FTMT: variants seen among roughly 807,000 people sequenced by gnomAD.
FTMT encodes the protein ferritin mitochondrial, also known as ferritin, mitochondrial.
Under a neutral mutation model 4.9 loss-of-function variants are expected in FTMT, and 5 were observed. The observed-to-expected ratio is 1.03, with a 90% CI of 0.54 to 2.16. FTMT has a LOEUF of 2.16. Ranked by LOEUF, FTMT falls within the 30% of genes most tolerant of loss-of-function variation. The pLI, the probability that FTMT is intolerant of heterozygous loss-of-function variation, is 0.01. For missense variants in FTMT, 393 were observed against 323.0 expected (o/e 1.22, Z -1.66); for synonymous variants, 174 against 143.6 (o/e 1.21, Z -1.51).
chr5:121,852,536 T>C lies in FTMT; in HGVS notation c.573T>C (p.Asp191=), dbSNP rs1460034809. ...ASDKGDPHLC[D]FLETYYLNEQ... ...ATAAAGGTGACCCCCATTTGTGCGA[T>C]TTCCTGGAAACCTACTACCTGAATG... The change falls in exon 1 of 1, where the codon GAT becomes GAC. Residue 191 remains aspartate (D), a synonymous_variant. Transcript: ENST00000321339. 4 of 1,614,098 alleles carry C rather than the reference T, an allele frequency of 2.5e-6. No individual in the cohort carries two copies. Among genetic ancestry groups the C allele is most frequent in the Non-Finnish European group, 3.4e-6 (4 of 1,180,016 alleles).
chr5:121,852,579 A>C lies in FTMT; in HGVS notation c.616A>C (p.Lys206Gln). The C allele has an allele frequency of 1.2e-6, 2 of 1,614,164 alleles. No homozygotes were observed. The highest frequency in any genetic ancestry group is 1.7e-6 in the Non-Finnish European group (2 of 1,180,040). Residue 206 changes from lysine to glutamine, a missense_variant, in exon 1 of 1, where the codon AAA becomes CAA. Transcript: ENST00000321339. ...CCTGAATGAGCAGGTGAAGTCTATC[A>C]AAGAACTAGGTGACCACGTGCACAA... ...YYLNEQVKSIKELGDHVHNLV... is the reference protein window; with the variant it reads ...YYLNEQVKSIQELGDHVHNLV...
Position 121,852,403 on chromosome 5 carries a change from A to T in FTMT, c.440A>T (p.Lys147Met). ...CGGATCCGCCTGCAGGACATCAAGA[A>T]GCCGGAACAGGACGACTGGGAAAGC... ...GGRIRLQDIK[K>M]PEQDDWESGL... Residue 147 changes from lysine (K) to methionine (M), a missense_variant, in exon 1 of 1, where the codon AAG (lysine) becomes ATG (methionine). Coordinates refer to ENST00000321339, the MANE Select transcript of FTMT (RefSeq NM_177478.2). 6.2e-7 allele frequency: 1 copy of T among 1,614,170 alleles called. No homozygotes were observed.
rs201753986 is a variant in FTMT at position 121,852,396 on chromosome 5, A to G, written c.433A>G (p.Ile145Val). The change falls in exon 1 of 1, where the codon ATC becomes GTC. Residue 145 changes from isoleucine to valine, a missense_variant. Coordinates refer to ENST00000321339, the MANE Select transcript of FTMT (RefSeq NM_177478.2). ...QRGGRIRLQDIKKPEQDDWES... is the reference protein window; with the variant it reads ...QRGGRIRLQDVKKPEQDDWES... ...AGGAGGCCGGATCCGCCTGCAGGAC[A>G]TCAAGAAGCCGGAACAGGACGACTG... 1.2e-5 allele frequency: 20 copies of G among 1,614,054 alleles called. No individual in the cohort carries two copies. Among genetic ancestry groups the G allele is most frequent in the Non-Finnish European group, 1.5e-5 (18 of 1,180,026 alleles).
Position 121,852,788 on chromosome 5 carries a change from T to A in FTMT, c.*96T>A. The A allele has an allele frequency of 7.4e-7, 1 of 1,352,290 alleles. No homozygotes were observed. Among genetic ancestry groups the A allele is most frequent in the Non-Finnish European group, 1.0e-6 (1 of 984,898 alleles). The allele number at this position is 1,352,290 out of a possible 1,614,324, so 83.8% of individuals were successfully genotyped here. A position where few individuals can be genotyped will look rare whatever the true frequency, so the allele number is the denominator to read the frequency against. On this transcript the variant is annotated 3_prime_UTR_variant, in exon 1 of 1. Transcript: ENST00000321339. Reference sequence around the variant, plus strand: ...CTTAAAATCACCTCCATCTTTATATTCTTCTGTTATACTATTCCTCCAATA... The same window carrying A: ...CTTAAAATCACCTCCATCTTTATATACTTCTGTTATACTATTCCTCCAATA...
Position 121,851,978 on chromosome 5 carries a change from C to G in FTMT, c.15C>G (p.Phe5Leu). 6.3e-7 allele frequency: 1 copy of G among 1,590,062 alleles called. No homozygotes were observed. Among genetic ancestry groups the G allele is most frequent in the Non-Finnish European group, 8.5e-7 (1 of 1,174,550 alleles). Residue 5 changes from phenylalanine (F) to leucine (L), a missense_variant, in exon 1 of 1, where the codon TTC becomes TTG. Transcript: ENST00000321339. ...GAGGCGGCGCTATGCTGTCCTGCTTCAGGCTCCTCTCCAGGCACATCAGCC... is the reference window on the plus strand; with the variant it reads ...GAGGCGGCGCTATGCTGTCCTGCTTGAGGCTCCTCTCCAGGCACATCAGCC... Reference protein sequence around the residue: MLSCFRLLSRHISPS... With the variant: MLSCLRLLSRHISPS...
chr5:121,852,022 G>A lies in FTMT; in HGVS notation c.59G>A (p.Arg20His), dbSNP rs754484196. The A allele has an allele frequency of 8.2e-6, 13 of 1,593,616 alleles. No individual in the cohort carries two copies. In the South Asian group the frequency reaches 1.3e-4, roughly 16 times the overall value. Reference protein sequence around the residue: ...RHISPSLASLRPVRCCFALPL... With the variant: ...RHISPSLASLHPVRCCFALPL... ...ATCAGCCCTTCGCTGGCGTCTCTGCGCCCGGTGCGCTGCTGCTTCGCGCTC... is the reference window on the plus strand; with the variant it reads ...ATCAGCCCTTCGCTGGCGTCTCTGCACCCGGTGCGCTGCTGCTTCGCGCTC... Residue 20 changes from arginine (R) to histidine (H), a missense_variant, in exon 1 of 1, where the codon CGC (arginine) becomes CAC (histidine). Coordinates refer to ENST00000321339, the MANE Select transcript of FTMT (RefSeq NM_177478.2).
In FTMT at chr5:121,852,122, C is replaced by G. The variant is rs1477158770; in HGVS notation, c.159C>G (p.Ala53=). Residue 53 remains alanine (A), a synonymous_variant, in exon 1 of 1, where the codon GCC becomes GCG. Coordinates refer to ENST00000321339, the MANE Select transcript of FTMT (RefSeq NM_177478.2). ...IAPRRPLAAA[A]SSRDPTGPAA... is the part of the protein sequence containing the mutation. ...CCCGCCGCCCCCTGGCCGCAGCCGC[C>G]TCCTCCCGGGACCCTACCGGGCCCG... 6.3e-7 allele frequency: 1 copy of G among 1,587,730 alleles called. No homozygotes were observed. Among genetic ancestry groups the G allele is most frequent in the Non-Finnish European group, 8.5e-7 (1 of 1,170,804 alleles).
Position 121,852,390 on chromosome 5 carries a change from CAGGA to C in FTMT, c.428_431del (p.Gln143ProfsTer27). ...CCAGCGAGGAGGCCGGATCCGCCTG[CAGGA>C]CATCAAGAAGCCGGAACAGGACGAC... On this transcript the variant is annotated frameshift_variant, in exon 1 of 1. Transcript: ENST00000321339. LOFTEE classifies it high-confidence loss of function. The C allele has an allele frequency of 1.2e-6, 2 of 1,614,184 alleles. No individual in the cohort carries two copies. The highest frequency in any genetic ancestry group is 1.7e-6 in the Non-Finnish European group (2 of 1,180,040).
At position 121,852,432 on chromosome 5, in the gene FTMT, C is replaced by A; in HGVS notation, c.469C>A (p.Leu157Met). 6.2e-7 allele frequency: 1 copy of A among 1,614,110 alleles called. No homozygotes were observed. Among genetic ancestry groups the A allele is most frequent in the South Asian group, 1.1e-5 (1 of 91,078 alleles). The change falls in exon 1 of 1, where the codon CTG becomes ATG. Residue 157 changes from leucine to methionine, a missense_variant. Transcript: ENST00000321339. The stretch of plus-strand genomic sequence containing the variant: ...GGAACAGGACGACTGGGAAAGCGGG[C>A]TGCATGCCATGGAGTGTGCTCTACT... ...KPEQDDWESG[L>M]HAMECALLLE... is the part of the protein sequence containing the mutation.
At position 121,852,815 on chromosome 5, in the gene FTMT, A is replaced by G; in HGVS notation, c.*123A>G. 1.1e-5 allele frequency: 13 copies of G among 1,192,088 alleles called. No individual in the cohort carries two copies. The highest frequency in any genetic ancestry group is 1.3e-5 in the Non-Finnish European group (11 of 852,796). The allele number at this position is 1,192,088 out of a possible 1,614,324, so 73.8% of individuals were successfully genotyped here. A position where few individuals can be genotyped will look rare whatever the true frequency, so the allele number is the denominator to read the frequency against. On this transcript the variant is annotated 3_prime_UTR_variant, in exon 1 of 1. Coordinates refer to ENST00000321339, the MANE Select transcript of FTMT (RefSeq NM_177478.2). ...TTCTGTTATACTATTCCTCCAATAA[A>G]GTGATTTGTAGAAAAAAATGTTTTG...
rs1315811757 is a variant in FTMT, at chr5:121,852,074, C to T, written c.111C>T (p.Pro37=). 1 of 1,590,192 alleles carries T rather than the reference C, an allele frequency of 6.3e-7. No individual in the cohort carries two copies. The highest frequency in any genetic ancestry group is 1.7e-5 in the Admixed American group (1 of 58,256). The change falls in exon 1 of 1, where the codon CCC becomes CCT. Residue 37 remains proline (P), a synonymous_variant. Coordinates refer to ENST00000321339, the MANE Select transcript of FTMT (RefSeq NM_177478.2). ...CGCTGCGTTGGGCCCCGGGGCGCCC[C>T]TTGGACCCCAGGCAGATCGCCCCCC... ...ALPLRWAPGR[P]LDPRQIAPRR...
rs779758575 is a variant in FTMT, at chr5:121,852,287, G to C, written c.324G>C (p.Leu108Phe). Residue 108 changes from leucine (L) to phenylalanine (F), a missense_variant, in exon 1 of 1, where the codon TTG (leucine) becomes TTC (phenylalanine). Transcript: ENST00000321339. ...AYYFSRDDVA[L>F]NNFSRYFLHQ... ...ACTTCTCCCGGGATGACGTGGCCTT[G>C]AACAACTTCTCCAGGTATTTCCTTC... 2 of 1,614,042 alleles carry C rather than the reference G, an allele frequency of 1.2e-6. No homozygotes were observed. The highest frequency in any genetic ancestry group is 3.3e-5 in the Admixed American group (2 of 60,014).
At position 121,852,512 on chromosome 5, in the gene FTMT, T is replaced by C. The variant is rs2112734066; in HGVS notation, c.549T>C (p.Asp183=). The change falls in exon 1 of 1, where the codon GAT becomes GAC. Residue 183 remains aspartate (D), a synonymous_variant. Transcript: ENST00000321339. ...SLLELHALAS[D]KGDPHLCDFL... ...TGGAATTGCACGCTCTAGCCTCAGA[T>C]AAAGGTGACCCCCATTTGTGCGATT... The C allele has an allele frequency of 1.2e-6, 2 of 1,614,108 alleles. No homozygotes were observed. Among genetic ancestry groups the C allele is most frequent in the South Asian group, 1.1e-5 (1 of 91,078 alleles).
In FTMT at chr5:121,852,653, T is replaced by G; in HGVS notation, c.690T>G (p.Phe230Leu). 1.2e-6 allele frequency: 2 copies of G among 1,614,040 alleles called. No homozygotes were observed. The highest frequency in any genetic ancestry group is 2.2e-5 in the East Asian group (1 of 44,844). The change falls in exon 1 of 1, where the codon TTT (phenylalanine) becomes TTG (leucine). Residue 230 changes from phenylalanine (F) to leucine (L), a missense_variant. Phe to Leu is a conservative substitution (Grantham distance 22). Coordinates refer to ENST00000321339, the MANE Select transcript of FTMT (RefSeq NM_177478.2). Reference protein sequence around the residue: ...APDAGLAEYLFDTHTLGNENK... With the variant: ...APDAGLAEYLLDTHTLGNENK... The stretch of plus-strand genomic sequence containing the variant: ...ATGCTGGCCTGGCGGAGTACCTTTT[T>G]GACACACATACCCTTGGAAATGAAA...
At position 121,852,436 on chromosome 5, in the gene FTMT, A is replaced by G. The variant is rs778903334; in HGVS notation, c.473A>G (p.His158Arg). Reference sequence around the variant, plus strand: ...CAGGACGACTGGGAAAGCGGGCTGCATGCCATGGAGTGTGCTCTACTCTTG... The same window carrying G: ...CAGGACGACTGGGAAAGCGGGCTGCGTGCCATGGAGTGTGCTCTACTCTTG... ...PEQDDWESGL[H>R]AMECALLLEK... The change falls in exon 1 of 1, where the codon CAT (histidine) becomes CGT (arginine). Residue 158 changes from histidine (H) to arginine (R), a missense_variant. By Grantham distance (29) the His-to-Arg change is conservative. Transcript: ENST00000321339. 3.7e-6 allele frequency: 6 copies of G among 1,614,120 alleles called. No homozygotes were observed. The highest frequency in any genetic ancestry group is 5.1e-6 in the Non-Finnish European group (6 of 1,180,008).
rs1750077458 is a variant in FTMT at position 121,852,635 on chromosome 5, C to A, written c.672C>A (p.Gly224=). ...NLVKMGAPDA[G]LAEYLFDTHT... Reference sequence around the variant, plus strand: ...TGAAGATGGGGGCCCCGGATGCTGGCCTGGCGGAGTACCTTTTTGACACAC... The same window carrying A: ...TGAAGATGGGGGCCCCGGATGCTGGACTGGCGGAGTACCTTTTTGACACAC... The change falls in exon 1 of 1, where the codon GGC becomes GGA. Residue 224 remains glycine (G), a synonymous_variant. Coordinates refer to ENST00000321339, the MANE Select transcript of FTMT (RefSeq NM_177478.2). The A allele has an allele frequency of 6.2e-7, 1 of 1,613,892 alleles. No homozygotes were observed. The highest frequency in any genetic ancestry group is 1.1e-5 in the South Asian group (1 of 91,076).
At position 121,852,154 on chromosome 5, in the gene FTMT, G is replaced by A. The variant is rs1162592770; in HGVS notation, c.191G>A (p.Gly64Asp). The A allele has an allele frequency of 6.2e-7, 1 of 1,608,048 alleles. No individual in the cohort carries two copies. The highest frequency in any genetic ancestry group is 8.5e-7 in the Non-Finnish European group (1 of 1,177,472). The change falls in exon 1 of 1, where the codon GGC (glycine) becomes GAC (aspartate). Residue 64 changes from glycine to aspartate, a missense_variant. Transcript: ENST00000321339. ...SSRDPTGPAA[G>D]PSRVRQNFHP... ...CGGGACCCTACCGGGCCCGCCGCCG[G>A]CCCCTCTCGGGTGCGCCAGAACTTC...
At position 121,852,358 on chromosome 5, in the gene FTMT, T is replaced by G. The variant is rs1404053089; in HGVS notation, c.395T>G (p.Leu132Arg). 1 of 1,614,116 alleles carries G rather than the reference T, an allele frequency of 6.2e-7. No homozygotes were observed. Among genetic ancestry groups the G allele is most frequent in the African/African-American group, 1.3e-5 (1 of 75,028 alleles). Reference sequence around the variant, plus strand: ...GAGCACGCGGAGAAGCTGATGAGGCTGCAGAACCAGCGAGGAGGCCGGATC... The same window carrying G: ...GAGCACGCGGAGAAGCTGATGAGGCGGCAGAACCAGCGAGGAGGCCGGATC... ...ETEHAEKLMR[L>R]QNQRGGRIRL... The change falls in exon 1 of 1, where the codon CTG (leucine) becomes CGG (arginine). Residue 132 changes from leucine to arginine, a missense_variant. Physicochemically the swap from Leu to Arg is moderately radical, Grantham distance 102 (BLOSUM62 -2). Transcript: ENST00000321339.
rs773586422 is a variant in FTMT, at chr5:121,852,597, G to C, written c.634G>C (p.Val212Leu). The change falls in exon 1 of 1, where the codon GTG becomes CTG. Residue 212 changes from valine to leucine, a missense_variant. Physicochemically the swap from Val to Leu is conservative, Grantham distance 32 (BLOSUM62 1). Coordinates refer to ENST00000321339, the MANE Select transcript of FTMT (RefSeq NM_177478.2). ...GTCTATCAAAGAACTAGGTGACCAC[G>C]TGCACAACTTAGTGAAGATGGGGGC... ...VKSIKELGDH[V>L]HNLVKMGAPD... The C allele has an allele frequency of 3.7e-6, 6 of 1,614,028 alleles. No homozygotes were observed. Among genetic ancestry groups the C allele is most frequent in the Non-Finnish European group, 5.1e-6 (6 of 1,179,998 alleles).
Sources: gnomAD v4.1 joint callset for allele counts on GRCh38, gnomAD v4.1.1 for gene constraint, MANE v1.5 for transcripts, NCBI Gene and HGNC (gene_info 2026-07-23, HGNC 2026-07-21) for gene names.